The following ADGRG5 variants were observed in gnomAD, a reference collection of about 807,000 sequenced individuals.
ADGRG5 encodes adhesion G protein-coupled receptor G5.
A neutral mutation model predicts 53.2 loss-of-function variants in ADGRG5; 37 were observed. The ratio of observed to expected loss-of-function variants is 0.70; its 90% confidence interval spans 0.53 to 0.91. The LOEUF (loss-of-function observed/expected upper bound fraction) is 0.91, where lower values mean the gene tolerates loss of function less well. Ranked by LOEUF, ADGRG5 falls within the 40% of genes least tolerant of loss-of-function variation. The pLI is 0.00. For synonymous variants in ADGRG5, 277 were observed against 290.4 expected (o/e 0.95, Z 0.47); for missense variants, 614 against 675.8 (o/e 0.91, Z 1.01).
Position 57,574,941 on chromosome 16 carries a change from G to C in ADGRG5, c.1335G>C (p.Ala445=). 2 of 1,613,492 alleles carry C rather than the reference G, an allele frequency of 1.2e-6. No homozygotes were observed. The highest frequency in any genetic ancestry group is 1.7e-6 in the Non-Finnish European group (2 of 1,180,004). ...LWTLRRLRER[A]DAPSVRACHD... ...CCCTGCGCAGGCTGCGGGAGCGGGC[G>C]GATGCACCAAGTGTCAGGGCCTGCC... The change falls in exon 11 of 12, where the codon GCG becomes GCC. Residue 445 remains alanine, a synonymous_variant. Transcript: ENST00000349457. The surrounding 1 kb of genome is among the most constrained non-coding windows in gnomAD (Gnocchi z 4.4).
At position 57,574,908 on chromosome 16, in the gene ADGRG5, G is replaced by T. The variant is rs754357038; in HGVS notation, c.1302G>T (p.Ala434=). 1.2e-5 allele frequency: 19 copies of T among 1,612,724 alleles called. No individual in the cohort carries two copies. Among genetic ancestry groups the T allele is most frequent in the Admixed American group, 1.7e-5 (1 of 59,984 alleles). ...TCAACCTGGTGGTGCTGGCCTGGGC[G>T]CTGTGGACCCTGCGCAGGCTGCGGG... is the stretch of plus-strand genomic sequence containing the variant. The part of the protein sequence containing the change: ...SLFNLVVLAW[A]LWTLRRLRER... Residue 434 remains alanine, a synonymous_variant, in exon 11 of 12, where the codon GCG becomes GCT. Coordinates refer to ENST00000349457, the MANE Select transcript of ADGRG5 (RefSeq NM_001304376.3). This position sits in a 1 kb window ranked among gnomAD's most constrained non-coding sequence, Gnocchi z 4.4.
Position 57,564,582 on chromosome 16 carries a change from G to A in ADGRG5, c.430-452G>A, listed in dbSNP as rs563305046. Among the ~76,000 whole-genome samples the A allele has an allele frequency of 5.9e-5, 9 of 152,320 alleles. No individual in the cohort carries two copies. The East Asian group carries it at 1.5e-3, about 26-fold the overall frequency. The stretch of plus-strand genomic sequence containing the variant: ...CTCCCAAAATGCTAGGATTATAGGC[G>A]TGAGCCACTGAGCCTGGCCTGATCT... On this transcript the variant is annotated intron_variant, in intron 5 of 11. Transcript: ENST00000349457.
chr16:57,566,766 T>C lies in ADGRG5; in HGVS notation c.699+15T>C, dbSNP rs1376417415. The C allele has an allele frequency of 1.4e-6, 2 of 1,448,196 alleles. No homozygotes were observed. Among genetic ancestry groups the C allele is most frequent in the Non-Finnish European group, 1.8e-6 (2 of 1,095,220 alleles). 89.7% of individuals were successfully genotyped at this position (1,448,196 alleles called of 1,614,324 possible). A position where few individuals can be genotyped will look rare whatever the true frequency, so the allele number is the denominator to read the frequency against. On this transcript the variant is annotated intron_variant, in intron 7 of 11. Transcript: ENST00000349457. Reference sequence around the variant, plus strand: ...CTGTTCTCATGGTATGTATGCATCCTGAGTGGGGCTCAGAGCTACAGAGGG... The same window carrying C: ...CTGTTCTCATGGTATGTATGCATCCCGAGTGGGGCTCAGAGCTACAGAGGG...
chr16:57,557,923 C>T (rs75512233), intron 1 of ADGRG5, among the ~76,000 whole-genome samples: 3,931 of 152,280 alleles, frequency 0.026, 50 homozygotes, highest in South Asian at 0.043. Flanking sequence ...GCTATCTTGT[C>T]TCTATATGAT....
intron 1 of ADGRG5, among the ~76,000 whole-genome samples, chr16:57,553,135 A>G (rs2032792483): frequency 6.6e-6 from 1 of 152,206 alleles, no homozygotes; most frequent in Admixed American, 6.5e-5. Flanking sequence ...AAAAGTTTGA[A>G]ATATTATGAG....
chr16:57,533,356 G>A, the ADGRG5 span, among the ~76,000 whole-genome samples: 1 of 151,858 alleles, frequency 6.6e-6, no homozygotes, highest in Admixed American at 6.5e-5. Flanking sequence ...CAGGAATCCT[G>A]CACTCCCACA....
At chr16:57,534,294 C>T in the ADGRG5 span, among the ~76,000 whole-genome samples, 1 of 152,186 alleles carries the variant, frequency 6.6e-6, no homozygotes, top group Non-Finnish European at 1.5e-5. Flanking sequence ...CATCAGGGCT[C>T]CTGAACCCCA....
At chr16:57,544,229 G>A (rs550714480) in intron 1 of ADGRG5, among the ~76,000 whole-genome samples, 13 of 152,266 alleles carry the variant, frequency 8.5e-5, no homozygotes, top group African/African-American at 1.9e-4. Flanking sequence ...CTCCTCTTAC[G>A]CAGTATTCGG....
upstream of ADGRG5, among the ~76,000 whole-genome samples, chr16:57,539,338 G>A (rs888916155): frequency 1.1e-4 from 16 of 152,076 alleles, no homozygotes; most frequent in Admixed American, 6.5e-5. Context: ...AGAACAGGAA[G>A]TTCTGTTTCA....
At chr16:57,535,704 A>G in the ADGRG5 span, among the ~76,000 whole-genome samples, 1 of 129,272 alleles carries the variant, frequency 7.7e-6, no homozygotes, top group Non-Finnish European at 1.6e-5. Flanking sequence ...CGCTAGTCCC[A>G]GCTCCATCAC....
At chr16:57,529,438 G>T in the ADGRG5 span, 1 of 220,986 alleles carries the variant, frequency 4.5e-6, no homozygotes, top group Non-Finnish European at 8.3e-6. The surrounding 1 kb of genome is among the most constrained non-coding windows in gnomAD (Gnocchi z 4.1). Flanking sequence ...AGAGAGTTCT[G>T]TTCCAGGAGA....
chr16:57,542,580 G>C (rs2032508803), upstream of ADGRG5: 1 of 152,392 alleles, frequency 6.6e-6, no homozygotes, highest in Non-Finnish European at 1.5e-5. Flanking sequence ...GTGCAGTGGG[G>C]GTGCAGGTGT....
chr16:57,530,140 G>A, the ADGRG5 span, among the ~76,000 whole-genome samples: 1 of 152,162 alleles, frequency 6.6e-6, no homozygotes, highest in East Asian at 1.9e-4. Context: ...GCTTCTGAGA[G>A]TGCAGCAGGA....
At chr16:57,557,458 T>TG (rs2032909322) in intron 1 of ADGRG5, among the ~76,000 whole-genome samples, 1 of 152,218 alleles carries the variant, frequency 6.6e-6, no homozygotes, top group Non-Finnish European at 1.5e-5. Context: ...TTTATTCCAT[T>TG]GGGTTTTGCA....
intron 1 of ADGRG5, among the ~76,000 whole-genome samples, chr16:57,552,534 A>T (rs1488718689): frequency 6.6e-6 from 1 of 152,030 alleles, no homozygotes; most frequent in Admixed American, 6.5e-5. Context: ...CAGCTTCCTC[A>T]CCCACCTTGG....
At chr16:57,571,346 T>G (rs1418990953) in intron 10 of ADGRG5, among the ~76,000 whole-genome samples, 2 of 152,026 alleles carry the variant, frequency 1.3e-5, no homozygotes, top group African/African-American at 4.8e-5. Flanking sequence ...GCTTAAGAAC[T>G]CTACCTGAGG....
At chr16:57,557,244 A>G (rs1390483531) in intron 1 of ADGRG5, among the ~76,000 whole-genome samples, 1 of 152,176 alleles carries the variant, frequency 6.6e-6, no homozygotes, top group Non-Finnish European at 1.5e-5. Context: ...TTCACTGGGC[A>G]TGGAGTTTTA....
At chr16:57,544,641 A>C (rs1461551566) in intron 1 of ADGRG5, among the ~76,000 whole-genome samples, 2 of 152,258 alleles carry the variant, frequency 1.3e-5, no homozygotes, top group African/African-American at 4.8e-5. Context: ...TTTCACCAAC[A>C]GTATAGTGAA....
At chr16:57,558,379 C>G (rs2032928425) in intron 1 of ADGRG5, among the ~76,000 whole-genome samples, 1 of 152,228 alleles carries the variant, frequency 6.6e-6, no homozygotes, top group African/African-American at 2.4e-5. Context: ...TTGAGTCCCA[C>G]AGGAATTTTC....
Sources: allele counts gnomAD v4.1 joint callset (sites outside exome capture counted in the v4.1 genomes callset), GRCh38; gene constraint gnomAD v4.1.1; non-coding constraint Gnocchi (gnomAD v3.1); transcripts MANE v1.5; gene names NCBI Gene and HGNC (gene_info 2026-07-23, HGNC 2026-07-21).